OXGR1: variants seen among roughly 807,000 people sequenced by gnomAD.
The protein encoded by OXGR1 is oxoglutarate receptor 1.
A neutral mutation model predicts 10.0 loss-of-function variants in OXGR1; 10 were observed. The ratio of observed to expected loss-of-function variants is 1.00; its 90% CI spans 0.62 to 1.70. The LOEUF is 1.70. Among genes scored for constraint, OXGR1 ranks in the 40% most tolerant of loss-of-function variants. The pLI, the probability that OXGR1 is intolerant of heterozygous loss-of-function variation, is 0.00. For synonymous variants in OXGR1, 191 were observed against 155.9 expected (o/e 1.22, Z -1.68); for missense variants, 398 against 407.6 (o/e 0.98, Z 0.20).
In OXGR1 at chr13:96,986,997, A is replaced by G. The variant is rs1415519403; in HGVS notation, c.763T>C (p.Leu255=). 3 of 1,614,238 alleles carry G rather than the reference A, an allele frequency of 1.9e-6. No homozygotes were observed. Among genetic ancestry groups the G allele is most frequent in the Non-Finnish European group, 2.5e-6 (3 of 1,180,046 alleles). ...LLLLAFYVCF[L]PFHILRVIRI... ...ATGACCCTCAAGATATGGAAGGGTA[A>G]AAAACATACGTAAAATGCAAGGAGT... The change falls in exon 4 of 4, where the codon TTA becomes CTA. Residue 255 remains leucine, a synonymous_variant. Coordinates refer to ENST00000541038, the MANE Select transcript of OXGR1 (RefSeq NM_001346194.2).
intron 1 of OXGR1, among the ~76,000 whole-genome samples, chr13:96,993,442 G>A (rs574444215): frequency 2.6e-5 from 4 of 151,986 alleles, no homozygotes; most frequent in African/African-American, 9.6e-5. Context: ...GGCTGGTCTC[G>A]AACTACTGAC....
intron 3 of OXGR1, among the ~76,000 whole-genome samples, chr13:96,989,388 T>TGG (rs1881941168): frequency 6.6e-6 from 1 of 152,188 alleles, no homozygotes; most frequent in Non-Finnish European, 1.5e-5. Context: ...CCAGGAGGTC[T>TGG]GGGGGAGTTG....
At chr13:96,991,109 C>T (rs1415047986) in intron 2 of OXGR1, among the ~76,000 whole-genome samples, 1 of 152,096 alleles carries the variant, frequency 6.6e-6, no homozygotes, top group Non-Finnish European at 1.5e-5. Flanking sequence ...AAACAACTGC[C>T]TTATTGTTCT....
intron 3 of OXGR1, among the ~76,000 whole-genome samples, chr13:96,989,520 G>T (rs1166897519): frequency 6.6e-6 from 1 of 152,204 alleles, no homozygotes; most frequent in Non-Finnish European, 1.5e-5. Flanking sequence ...TTACATATTT[G>T]AATCTATTTA....
At chr13:96,990,946 C>CAAAAAAAAAAAAAAAAA (rs765856782) in intron 2 of OXGR1, among the ~76,000 whole-genome samples, 2 of 97,208 alleles carry the variant, frequency 2.1e-5, no homozygotes, top group African/African-American at 9.5e-5. Context: ...AAGACTCTTT[C>CAAAAAAAAAAAAAAAAA]AAAAAAAAAA....
intron 3 of OXGR1, among the ~76,000 whole-genome samples, chr13:96,988,100 T>C (rs1881875533): frequency 3.3e-5 from 5 of 152,208 alleles, no homozygotes; most frequent in Admixed American, 2.6e-4. Context: ...TGGAAAACAA[T>C]TTGGCAAGGT....
rs1478656295 is a variant in OXGR1, at chr13:96,987,072, G to T, written c.688C>A (p.Gln230Lys). 4 of 1,614,110 alleles carry T rather than the reference G, an allele frequency of 2.5e-6. No homozygotes were observed. The African/African-American group carries it at 5.3e-5, about 22-fold the overall frequency. Residue 230 changes from glutamine (Q) to lysine (K), a missense_variant, in exon 4 of 4, where the codon CAA (glutamine) becomes AAA (lysine). Transcript: ENST00000541038. ...TIIHTLTHGL[Q>K]TDSCLKQKAR... ...TTCTGCTTAAGGCAGCTGTCAGTTT[G>T]CAGTCCATGGGTCAGAGTGTGGATA...
At position 96,987,533 on chromosome 13, in the gene OXGR1, G is replaced by A. The variant is rs1452473086; in HGVS notation, c.227C>T (p.Ala76Val). 10 of 1,614,122 alleles carry A rather than the reference G, an allele frequency of 6.2e-6. No homozygotes were observed. The highest frequency in any genetic ancestry group is 7.6e-6 in the Non-Finnish European group (9 of 1,179,990). ...GGTCAGATACAGCAGATCTGTGCAG[G>A]CCAGGTTCAGCATAATGATGGTGCT... is the stretch of plus-strand genomic sequence containing the variant. Reference protein sequence around the residue: ...KSSTIIMLNLACTDLLYLTSL... With the variant: ...KSSTIIMLNLVCTDLLYLTSL... The change falls in exon 4 of 4, where the codon GCC (alanine) becomes GTC (valine). Residue 76 changes from alanine to valine, a missense_variant. By Grantham distance (64) the Ala-to-Val change is moderately conservative. Transcript: ENST00000541038.
rs771923449 is a variant in OXGR1 at position 96,987,501 on chromosome 13, G to C, written c.259C>G (p.Pro87Ala). The change falls in exon 4 of 4, where the codon CCC becomes GCC. Residue 87 changes from proline to alanine, a missense_variant. Transcript: ENST00000541038. ...CTGGCATAGTAGTGAATCAGGAAGGGGAGGCTGGTCAGATACAGCAGATCT... is the reference window on the plus strand; with the variant it reads ...CTGGCATAGTAGTGAATCAGGAAGGCGAGGCTGGTCAGATACAGCAGATCT... The part of the protein sequence containing the change: ...CTDLLYLTSL[P>A]FLIHYYASGE... 17 of 1,614,182 alleles carry C rather than the reference G, an allele frequency of 1.1e-5. No homozygotes were observed. The highest frequency in any genetic ancestry group is 1.4e-5 in the Non-Finnish European group (17 of 1,180,038).
intron 3 of OXGR1, among the ~76,000 whole-genome samples, chr13:96,989,205 A>G (rs900748817): frequency 9.2e-5 from 14 of 152,360 alleles, no homozygotes; most frequent in African/African-American, 3.4e-4. Context: ...AGGAGGAAAC[A>G]TCAGAGTCTG....
At chr13:96,993,269 A>T (rs778704115) in intron 1 of OXGR1, among the ~76,000 whole-genome samples, 1 of 152,072 alleles carries the variant, frequency 6.6e-6, no homozygotes, top group Non-Finnish European at 1.5e-5. Flanking sequence ...CCCAGACTGG[A>T]GTGCAGTGGC....
intron 3 of OXGR1, 117 bp from the exon 4 acceptor site, chr13:96,987,950 G>A: frequency 8.2e-6 from 5 of 612,740 alleles, no homozygotes; most frequent in Non-Finnish European, 1.3e-5. Flanking sequence ...AATCTCAAAA[G>A]AGACCCTGTG....
Position 96,987,652 on chromosome 13 carries a change from G to A in OXGR1, c.108C>T (p.Leu36=). 6.2e-7 allele frequency: 1 copy of A among 1,614,158 alleles called. No individual in the cohort carries two copies. The highest frequency in any genetic ancestry group is 1.1e-5 in the South Asian group (1 of 91,068). ...GGAAGATAATGCCATAAATAACAGG[G>A]AGGTAGTGCATCTTGAGTGGGATGT... ...DENIPLKMHY[L]PVIYGIIFLV... is the part of the protein sequence containing the mutation. The change falls in exon 4 of 4, where the codon CTC becomes CTT. Residue 36 remains leucine (L), a synonymous_variant. Transcript: ENST00000541038.
At chr13:96,990,481 C>T (rs1881993887) in intron 2 of OXGR1, among the ~76,000 whole-genome samples, 1 of 152,180 alleles carries the variant, frequency 6.6e-6, no homozygotes, top group Admixed American at 6.5e-5. Context: ...TATTTGTCAG[C>T]TCCTTGAAAG....
chr13:96,990,986 T>C (rs924945340), intron 2 of OXGR1, among the ~76,000 whole-genome samples: 8 of 146,712 alleles, frequency 5.5e-5, no homozygotes, highest in Non-Finnish European at 8.9e-5. Flanking sequence ...TTTCATGACT[T>C]TTAAAGTAGG....
rs1344557724 is a variant in OXGR1, at chr13:96,990,955, A to C, written c.-126-1146T>G. On this transcript the variant is annotated intron_variant, in intron 2 of 3. Transcript: ENST00000541038. ...CACAGCAAGACTCTTTCAAAAAAAA[A>C]AAAAAAAGCAAGCTTAGATCTTTCA... Among the ~76,000 whole-genome samples the C allele has an allele frequency of 3.3e-5, 5 of 151,458 alleles. 1 individual carries two copies. Among genetic ancestry groups the C allele is most frequent in the African/African-American group, 7.3e-5 (3 of 41,118 alleles).
chr13:96,986,939 C>A lies in OXGR1; in HGVS notation c.821G>T (p.Cys274Phe), dbSNP rs747555956. 12 of 1,614,108 alleles carry A rather than the reference C, an allele frequency of 7.4e-6. No homozygotes were observed. The highest frequency in any genetic ancestry group is 9.3e-6 in the Non-Finnish European group (11 of 1,180,008). ...RIESRLLSIS[C>F]SIENQIHEAY... ...TTCATGGATCTGATTCTCAATGGAA[C>A]AACTGATTGAAAGCAGGCGAGATTC... Residue 274 changes from cysteine (C) to phenylalanine (F), a missense_variant, in exon 4 of 4, where the codon TGT becomes TTT. Physicochemically the swap from Cys to Phe is radical, Grantham distance 205. Coordinates refer to ENST00000541038, the MANE Select transcript of OXGR1 (RefSeq NM_001346194.2).
chr13:96,986,965 G>A lies in OXGR1; in HGVS notation c.795C>T (p.Ile265=), dbSNP rs768797716. The change falls in exon 4 of 4, where the codon ATC becomes ATT. Residue 265 remains isoleucine (I), a synonymous_variant. Coordinates refer to ENST00000541038, the MANE Select transcript of OXGR1 (RefSeq NM_001346194.2). ...LPFHILRVIR[I]ESRLLSISCS... ...AACTGATTGAAAGCAGGCGAGATTC[G>A]ATCCGAATGACCCTCAAGATATGGA... 12 of 1,614,024 alleles carry A rather than the reference G, an allele frequency of 7.4e-6. No homozygotes were observed. Among genetic ancestry groups the A allele is most frequent in the East Asian group, 2.2e-5 (1 of 44,898 alleles).
chr13:96,991,199 A>G (rs1295932630), intron 2 of OXGR1, among the ~76,000 whole-genome samples: 1 of 152,174 alleles, frequency 6.6e-6, no homozygotes, highest in Non-Finnish European at 1.5e-5. Flanking sequence ...AGGAAGCTTA[A>G]TCTGTGTTCC....
Sources: gnomAD v4.1 joint callset for allele counts (sites outside exome capture counted in the v4.1 genomes callset) on GRCh38, gnomAD v4.1.1 for gene constraint, MANE v1.5 for transcripts, NCBI Gene and HGNC (gene_info 2026-07-23, HGNC 2026-07-21) for gene names.